Variants in PCSK6 observed in about 807,000 individuals in gnomAD.
PCSK6 encodes the protein proprotein convertase subtilisin/kexin type 6.
In PCSK6, 85 loss-of-function variants were observed where a neutral mutation model predicts 123.3. The ratio of observed to expected loss-of-function variants is 0.69; its 90% CI spans 0.58 to 0.83. PCSK6 has a LOEUF of 0.83. Ranked by LOEUF, PCSK6 falls within the 40% of genes least tolerant of loss-of-function variation. The probability of loss-of-function intolerance (pLI) is 0.00; values close to 1 mark genes in which losing one functional copy is unlikely to be tolerated. For missense variants in PCSK6, 1,191 were observed against 1,282.3 expected, an observed-to-expected ratio of 0.93 and a Z score of 1.09; for synonymous variants, 508 against 516.0, an observed-to-expected ratio of 0.98 and a Z score of 0.21.
intron 15 of PCSK6, among the ~76,000 whole-genome samples, chr15:101,330,263 C>T (rs947283613): frequency 1.3e-5 from 2 of 152,208 alleles, no homozygotes; most frequent in African/African-American, 4.8e-5. Flanking sequence ...TCCTGGGACC[C>T]TGGCCATTTG....
intron 6 of PCSK6, among the ~76,000 whole-genome samples, chr15:101,417,866 A>G (rs1183916428): frequency 2.8e-5 from 4 of 144,276 alleles, no homozygotes; most frequent in Non-Finnish European, 6.0e-5. Context: ...TACGTACACT[A>G]TTTTTTATAA....
chr15:101,361,987 T>G (rs575921315), intron 13 of PCSK6, among the ~76,000 whole-genome samples: 2 of 139,876 alleles, frequency 1.4e-5, no homozygotes, highest in African/African-American at 2.7e-5. Flanking sequence ...GTTGGAGTCT[T>G]GCTCTATCAT....
chr15:101,444,354 G>A (rs567374419), intron 1 of PCSK6, among the ~76,000 whole-genome samples: 15 of 152,186 alleles, frequency 9.9e-5, no homozygotes, highest in Non-Finnish European at 2.1e-4. Context: ...ACGTCTGTCC[G>A]GGCTCGAGCA....
At chr15:101,334,931 CTGTT>C (rs1285165579) in intron 13 of PCSK6, among the ~76,000 whole-genome samples, 5 of 152,102 alleles carry the variant, frequency 3.3e-5, no homozygotes, top group East Asian at 1.9e-4. Context: ...ATTACACTCT[CTGTT>C]TGACTTTATG....
At chr15:101,349,695 T>G (rs2040841355) in intron 13 of PCSK6, among the ~76,000 whole-genome samples, 1 of 151,746 alleles carries the variant, frequency 6.6e-6, no homozygotes, top group African/African-American at 2.4e-5. Context: ...GATGAGGGAG[T>G]CATCAGTCCC....
intron 1 of PCSK6, among the ~76,000 whole-genome samples, chr15:101,472,921 C>T (rs2057641275): frequency 6.6e-6 from 1 of 152,196 alleles, no homozygotes; most frequent in Non-Finnish European, 1.5e-5. Context: ...AGCTGCCCTT[C>T]CCTGGTTGGA....
intron 1 of PCSK6, among the ~76,000 whole-genome samples, chr15:101,460,084 G>A (rs1406040300): frequency 6.6e-6 from 1 of 152,010 alleles, no homozygotes; most frequent in East Asian, 1.9e-4. Context: ...ACAGCCACAT[G>A]GCCACCACTA....
chr15:101,452,494 T>C (rs1303413460), intron 1 of PCSK6, among the ~76,000 whole-genome samples: 2 of 152,242 alleles, frequency 1.3e-5, no homozygotes, highest in African/African-American at 4.8e-5. Context: ...TGTAAAACTC[T>C]TCTTTTTCCT....
At chr15:101,367,775 A>G (rs1352481634) in intron 12 of PCSK6, among the ~76,000 whole-genome samples, 1 of 152,222 alleles carries the variant, frequency 6.6e-6, no homozygotes, top group Non-Finnish European at 1.5e-5. Flanking sequence ...AAAAAACCAA[A>G]GTCCCAAGAC....
At chr15:101,320,792 A>C (rs889967283) in intron 18 of PCSK6, among the ~76,000 whole-genome samples, 3 of 152,192 alleles carry the variant, frequency 2.0e-5, no homozygotes, top group Non-Finnish European at 4.4e-5. Context: ...TCACAGCTTA[A>C]GAGGATATTG....
At chr15:101,348,531 A>G (rs921809148) in intron 13 of PCSK6, among the ~76,000 whole-genome samples, 2 of 152,220 alleles carry the variant, frequency 1.3e-5, no homozygotes, top group Non-Finnish European at 2.9e-5. Flanking sequence ...ACAGAATTCG[A>G]TATGTAACTG....
At chr15:101,413,396 G>A (rs539158420) in intron 6 of PCSK6, among the ~76,000 whole-genome samples, 1 of 151,396 alleles carries the variant, frequency 6.6e-6, no homozygotes, top group Non-Finnish European at 1.5e-5. Context: ...TATACAAGAA[G>A]ACATACTCAA....
chr15:101,415,742 C>G (rs1169914699), intron 6 of PCSK6, among the ~76,000 whole-genome samples: 2 of 152,162 alleles, frequency 1.3e-5, no homozygotes, highest in Non-Finnish European at 2.9e-5. Context: ...GCCAGTCTTT[C>G]CTGTGCTATT....
intron 11 of PCSK6, among the ~76,000 whole-genome samples, chr15:101,379,496 G>A (rs1056624182): frequency 1.3e-5 from 2 of 152,188 alleles, no homozygotes; most frequent in Non-Finnish European, 2.9e-5. Flanking sequence ...CAGTGCACAC[G>A]GATGCACACG....
At chr15:101,443,391 T>C (rs540254247) in intron 2 of PCSK6, among the ~76,000 whole-genome samples, 165 bp downstream of exon 2, 1 of 152,366 alleles carries the variant, frequency 6.6e-6, no homozygotes. Flanking sequence ...TCACATGATT[T>C]AGTTCAGATG....
At chr15:101,434,259 C>T (rs1278904812) in intron 2 of PCSK6, among the ~76,000 whole-genome samples, 2 of 152,214 alleles carry the variant, frequency 1.3e-5, no homozygotes, top group Non-Finnish European at 2.9e-5. Context: ...CCAGGGATGT[C>T]CCGCCCTCCT....
intron 6 of PCSK6, among the ~76,000 whole-genome samples, chr15:101,427,221 T>C (rs979938727): frequency 6.6e-6 from 1 of 152,214 alleles, no homozygotes; most frequent in Admixed American, 6.5e-5. Context: ...GGGCGGCTGC[T>C]GCTCCGTAAA....
At chr15:101,358,314 C>A (rs1254572533) in intron 13 of PCSK6, among the ~76,000 whole-genome samples, 1 of 152,224 alleles carries the variant, frequency 6.6e-6, no homozygotes, top group East Asian at 1.9e-4. Context: ...TAAAAAAAAA[C>A]AAAGTGACAC....
chr15:101,426,525 T>G (rs1262885229), intron 6 of PCSK6, among the ~76,000 whole-genome samples: 1 of 152,234 alleles, frequency 6.6e-6, no homozygotes. Flanking sequence ...TCTCCTGATT[T>G]GTTCTGCAGA....
Sources: allele counts gnomAD v4.1 joint callset (sites outside exome capture counted in the v4.1 genomes callset), GRCh38; gene constraint gnomAD v4.1.1; transcripts MANE v1.5; gene names NCBI Gene and HGNC (gene_info 2026-07-23, HGNC 2026-07-21).